The following GRIK4 variants were observed in gnomAD, a reference collection of about 807,000 sequenced individuals.
GRIK4 encodes the protein glutamate ionotropic receptor kainate type subunit 4.
Under a neutral mutation model 104.9 loss-of-function variants are expected in GRIK4, and 40 were observed. The ratio of observed to expected loss-of-function variants is 0.38; its 90% CI spans 0.30 to 0.50. The LOEUF (loss-of-function observed/expected upper bound fraction) is 0.50, where lower values mean the gene tolerates loss of function less well. GRIK4 is among the 20% of genes least tolerant of loss of function. The pLI, the probability that GRIK4 is intolerant of heterozygous loss-of-function variation, is 0.93. For synonymous variants in GRIK4, 485 were observed against 524.9 expected (o/e 0.92, Z 1.04); for missense variants, 1,047 against 1,308.1 (o/e 0.80, Z 3.08).
intron 1 of GRIK4, among the ~76,000 whole-genome samples, chr11:120,519,459 A>C (rs1591670170): frequency 6.6e-6 from 1 of 152,190 alleles, no homozygotes; most frequent in East Asian, 1.9e-4. Context: ...GAGGAGGCCC[A>C]TCTATGAACC....
chr11:120,949,185 G>A (rs1233320977), intron 14 of GRIK4, among the ~76,000 whole-genome samples: 1 of 152,154 alleles, frequency 6.6e-6, no homozygotes, highest in Non-Finnish European at 1.5e-5. Flanking sequence ...GGCATGAAAG[G>A]GGGGTTTAAT....
chr11:120,742,424 A>G (rs115997757), intron 3 of GRIK4, among the ~76,000 whole-genome samples: 1,727 of 152,068 alleles, frequency 0.011, 31 homozygotes, highest in African/African-American at 0.039. Flanking sequence ...AGCATATGAA[A>G]AAAAAAGCTC....
intron 1 of GRIK4, among the ~76,000 whole-genome samples, chr11:120,553,753 C>T (rs1360629758): frequency 1.3e-5 from 2 of 152,134 alleles, no homozygotes; most frequent in Admixed American, 6.5e-5. Flanking sequence ...GTGCAGACTG[C>T]AGCACTGCTG....
At chr11:120,606,418 T>C (rs996040481) in intron 1 of GRIK4, among the ~76,000 whole-genome samples, 2 of 152,242 alleles carry the variant, frequency 1.3e-5, no homozygotes, top group Admixed American at 6.5e-5. Context: ...CTGTAAACAT[T>C]TGTGGAAGGA....
chr11:120,754,186 G>A (rs1028058575), intron 3 of GRIK4, among the ~76,000 whole-genome samples: 8 of 152,152 alleles, frequency 5.3e-5, no homozygotes, highest in Admixed American at 1.3e-4. Flanking sequence ...GCCCGCCACC[G>A]TGCCAAGCTA....
chr11:120,707,811 G>A lies in GRIK4; in HGVS notation c.82+47411G>A, dbSNP rs143624650. ...GTGCTGTCAGAACTGAGGGTCAGGG[G>A]TCTTTGTTCCTCTCCACATGGACTG... On this transcript the variant is annotated intron_variant, in intron 3 of 20. Coordinates refer to ENST00000527524, the MANE Select transcript of GRIK4 (RefSeq NM_014619.5). Among the ~76,000 whole-genome samples, 363 of 152,250 alleles carry A rather than the reference G, an allele frequency of 2.4e-3. 3 individuals carry two copies. The highest frequency in any genetic ancestry group is 8.0e-3 in the African/African-American group (331 of 41,542).
rs140661026 is a variant in GRIK4, at chr11:120,836,331, G to A, written c.691-460G>A. 1.4e-4 allele frequency among the ~76,000 whole-genome samples: 22 copies of A among 152,304 alleles called. No individual in the cohort carries two copies. In the East Asian group the frequency reaches 2.7e-3, roughly 19 times the overall value. On this transcript the variant is annotated intron_variant, in intron 7 of 20. Transcript: ENST00000527524. The stretch of plus-strand genomic sequence containing the variant: ...AATGGGGTTGGGGAGGAATAATAGC[G>A]CCAACCTCATAGAGTTATCCCATGT...
intron 3 of GRIK4, among the ~76,000 whole-genome samples, chr11:120,787,320 C>A (rs1349258338): frequency 2.0e-5 from 3 of 151,810 alleles, no homozygotes; most frequent in South Asian, 4.2e-4. Flanking sequence ...CAGAGTGAGA[C>A]CCTGTCTCAA....
chr11:120,692,689 G>T (rs1195838857), intron 3 of GRIK4, among the ~76,000 whole-genome samples: 2 of 152,186 alleles, frequency 1.3e-5, no homozygotes, highest in African/African-American at 2.4e-5. Context: ...TGGAGACCCG[G>T]TGTGCCTTAG....
rs142747458 is a variant in GRIK4, at chr11:120,724,185, A to C, written c.82+63785A>C. On this transcript the variant is annotated intron_variant, in intron 3 of 20. Coordinates refer to ENST00000527524, the MANE Select transcript of GRIK4 (RefSeq NM_014619.5). ...TTTTTGAGAGACAAGGTCTTGCTCT[A>C]TTGCCCAGGCTGGAGTGCAGTGGCA... Among the ~76,000 whole-genome samples the C allele has an allele frequency of 4.2e-3, 635 of 152,222 alleles. 10 individuals carry two copies. The highest frequency in any genetic ancestry group is 0.015 in the African/African-American group (605 of 41,524).
At chr11:120,815,043 G>A (rs1001182492) in intron 4 of GRIK4, among the ~76,000 whole-genome samples, 4 of 152,238 alleles carry the variant, frequency 2.6e-5, no homozygotes, top group African/African-American at 4.8e-5. Flanking sequence ...AGGCCAGGCC[G>A]TGGGATGGAA....
At chr11:120,780,887 G>A (rs1235054246) in intron 3 of GRIK4, among the ~76,000 whole-genome samples, 4 of 151,998 alleles carry the variant, frequency 2.6e-5, no homozygotes, top group African/African-American at 9.6e-5. Flanking sequence ...GACTACAGGC[G>A]CCTGCCACCA....
chr11:120,553,117 A>G (rs1199984676), intron 1 of GRIK4, among the ~76,000 whole-genome samples: 2 of 152,194 alleles, frequency 1.3e-5, no homozygotes, highest in Non-Finnish European at 2.9e-5. Flanking sequence ...CTAGATAGAA[A>G]AGATGCTGGA....
chr11:120,875,331 C>G lies in GRIK4; in HGVS notation c.1164+88C>G, dbSNP rs1364939419. The G allele has an allele frequency of 8.5e-6, 7 of 821,608 alleles. No homozygotes were observed. In the East Asian group the frequency reaches 1.7e-4, roughly 21 times the overall value. The allele number at this position is 821,608 out of a possible 1,614,324, so 50.9% of individuals were successfully genotyped here. On this transcript the variant is annotated intron_variant, in intron 11 of 20. Transcript: ENST00000527524. ...CGGTGTTTTGGATGGCCTCCTGCTC[C>G]CAGTTATCCCCAACAGCAGCAGGCT...
At chr11:120,804,341 A>G (rs1952675132) in intron 4 of GRIK4, among the ~76,000 whole-genome samples, 7 of 152,334 alleles carry the variant, frequency 4.6e-5, no homozygotes, top group Middle Eastern at 3.4e-3. Flanking sequence ...TAGGGTTTCA[A>G]GAAAATCAGT....
intron 3 of GRIK4, among the ~76,000 whole-genome samples, chr11:120,679,025 C>T (rs1378964517): frequency 1.3e-5 from 2 of 151,850 alleles, no homozygotes; most frequent in Non-Finnish European, 2.9e-5. Context: ...GCAGAGAACA[C>T]CCTAAAGGGA....
At chr11:120,793,846 A>T (rs1952450996) in intron 3 of GRIK4, among the ~76,000 whole-genome samples, 1 of 145,330 alleles carries the variant, frequency 6.9e-6, no homozygotes, top group Non-Finnish European at 1.5e-5. Flanking sequence ...GTTAGAGGGG[A>T]AGGGCAGTGT....
In GRIK4 at chr11:120,986,247, GCGAGCC is replaced by G; in HGVS notation, c.2863_2868del (p.Pro955_Glu956del). 6.4e-7 allele frequency: 1 copy of G among 1,567,154 alleles called. No individual in the cohort carries two copies. Among genetic ancestry groups the G allele is most frequent in the Non-Finnish European group, 8.6e-7 (1 of 1,166,314 alleles). ...GAGTGGGAGAAAACCACCAACAGCAGCGAGCCCGAGTAGTCCCGGAGGCCACAGGAC... is the reference window on the plus strand; with the variant it reads ...GAGTGGGAGAAAACCACCAACAGCAGCGAGTAGTCCCGGAGGCCACAGGAC... On this transcript the variant is annotated inframe_deletion, in exon 21 of 21. Coordinates refer to ENST00000527524, the MANE Select transcript of GRIK4 (RefSeq NM_014619.5).
chr11:120,737,442 G>A (rs1425382386), intron 3 of GRIK4, among the ~76,000 whole-genome samples: 1 of 152,200 alleles, frequency 6.6e-6, no homozygotes, highest in Non-Finnish European at 1.5e-5. Flanking sequence ...TAGAACTTGA[G>A]CCTGATCAAG....
Sources: gnomAD v4.1 joint callset for allele counts (sites outside exome capture counted in the v4.1 genomes callset) on GRCh38, gnomAD v4.1.1 for gene constraint, MANE v1.5 for transcripts, NCBI Gene and HGNC (gene_info 2026-07-23, HGNC 2026-07-21) for gene names.